The following MOB3B variants were observed in gnomAD, a reference collection of about 807,000 sequenced individuals.
MOB3B encodes MOB kinase activator 3B, also known as MOB kinase activator-like 2B.
MOB3B carries 7 observed loss-of-function variants against 18.7 expected under a neutral mutation model. That is an observed-to-expected ratio of 0.37 (90% confidence interval 0.21 to 0.70). MOB3B has a LOEUF of 0.70. Ranked by LOEUF, MOB3B falls within the 30% of genes least tolerant of loss-of-function variation. MOB3B has a pLI of 0.52. For synonymous variants in MOB3B, 111 were observed against 99.9 expected (o/e 1.11, Z -0.66); for missense variants, 253 against 281.3 (o/e 0.90, Z 0.72).
rs146239060 is a variant in MOB3B at position 27,409,401 on chromosome 9, G to C, written c.418+45732C>G. Among the ~76,000 whole-genome samples the C allele has an allele frequency of 2.0e-3, 306 of 152,252 alleles. 1 individual carries two copies. Among genetic ancestry groups the C allele is most frequent in the African/African-American group, 7.1e-3 (297 of 41,544 alleles). On this transcript the variant is annotated intron_variant, in intron 2 of 3. Coordinates refer to ENST00000262244, the MANE Select transcript of MOB3B (RefSeq NM_024761.5). The stretch of plus-strand genomic sequence containing the variant: ...GATGAGATACCATTTCATACCATTA[G>C]AATGGTTACTATCAAGAAGATAAAA...
At chr9:27,485,035 A>G (rs1270735203) in intron 1 of MOB3B, among the ~76,000 whole-genome samples, 1 of 152,202 alleles carries the variant, frequency 6.6e-6, no homozygotes, top group Non-Finnish European at 1.5e-5. Flanking sequence ...CCACGGATCC[A>G]AGTTCGAGAC....
intron 3 of MOB3B, chr9:27,358,732 A>T: frequency 1.8e-6 from 1 of 545,734 alleles, no homozygotes. Context: ...CATTTAAGGA[A>T]TTCAATAAGT....
intron 3 of MOB3B, among the ~76,000 whole-genome samples, chr9:27,345,314 G>A (rs1821016428): frequency 6.6e-6 from 1 of 152,078 alleles, no homozygotes; most frequent in Non-Finnish European, 1.5e-5. Context: ...GGCCCTGTAT[G>A]AACCATGACT....
chr9:27,353,699 C>T (rs1216103389), intron 3 of MOB3B, among the ~76,000 whole-genome samples: 1 of 152,172 alleles, frequency 6.6e-6, no homozygotes, highest in African/African-American at 2.4e-5. Flanking sequence ...AATCTCTGTC[C>T]TCCCCCTGCC....
At chr9:27,346,476 T>A (rs1012594882) in intron 3 of MOB3B, among the ~76,000 whole-genome samples, 1 of 152,222 alleles carries the variant, frequency 6.6e-6, no homozygotes, top group Admixed American at 6.5e-5. Flanking sequence ...ATTTATCTCA[T>A]AGACTTGTGT....
At chr9:27,454,968 GT>G (rs565826884) in intron 2 of MOB3B, among the ~76,000 whole-genome samples, 164 bp downstream of exon 2, 8 of 149,678 alleles carry the variant, frequency 5.3e-5, no homozygotes, top group South Asian at 4.2e-4. Context: ...GGTCCATAAA[GT>G]TTTTTTTTTC....
At chr9:27,482,220 G>C (rs1191352320) in intron 1 of MOB3B, among the ~76,000 whole-genome samples, 1 of 152,114 alleles carries the variant, frequency 6.6e-6, no homozygotes, top group Non-Finnish European at 1.5e-5. Flanking sequence ...TGGCTGAAGA[G>C]ACCTAACATT....
At chr9:27,505,641 A>G (rs2492818) in intron 1 of MOB3B, among the ~76,000 whole-genome samples, 37,161 of 152,210 alleles carry the variant, frequency 0.24, 4,713 homozygotes, top group East Asian at 0.34. Context: ...TTCTGCATGA[A>G]GTCCACAGAC....
intron 2 of MOB3B, among the ~76,000 whole-genome samples, chr9:27,413,322 T>A (rs1206316375): frequency 6.6e-6 from 1 of 152,008 alleles, no homozygotes; most frequent in Non-Finnish European, 1.5e-5. Flanking sequence ...GTTACTGAAA[T>A]GGGACTTTTT....
intron 2 of MOB3B, among the ~76,000 whole-genome samples, chr9:27,384,919 C>A (rs566535075): frequency 6.6e-6 from 1 of 152,288 alleles, no homozygotes; most frequent in South Asian, 2.1e-4. Context: ...GCCTCCAGTC[C>A]CTCTGCCAGG....
At position 27,418,626 on chromosome 9, in the gene MOB3B, T is replaced by C. The variant is rs905923725; in HGVS notation, c.418+36507A>G. 2.0e-5 allele frequency among the ~76,000 whole-genome samples: 3 copies of C among 152,106 alleles called. No homozygotes were observed. The East Asian group carries it at 5.8e-4, about 29-fold the overall frequency. Reference sequence around the variant, plus strand: ...GATGCAGAAAAAGCATTTGACAAAATCCAGCATCTCTTTATGATTAAAACT... The same window carrying C: ...GATGCAGAAAAAGCATTTGACAAAACCCAGCATCTCTTTATGATTAAAACT... On this transcript the variant is annotated intron_variant, in intron 2 of 3. Transcript: ENST00000262244.
At chr9:27,341,816 A>G (rs1022148885) in intron 3 of MOB3B, among the ~76,000 whole-genome samples, 1 of 152,180 alleles carries the variant, frequency 6.6e-6, no homozygotes, top group African/African-American at 2.4e-5. Flanking sequence ...CAGAGCGAGA[A>G]TTCAAACCAG....
intron 2 of MOB3B, among the ~76,000 whole-genome samples, chr9:27,379,547 C>T (rs1427692184): frequency 6.6e-6 from 1 of 152,122 alleles, no homozygotes; most frequent in African/African-American, 2.4e-5. Flanking sequence ...GTTTCCTGCC[C>T]AAGGTCACAC....
intron 1 of MOB3B, among the ~76,000 whole-genome samples, chr9:27,500,058 G>T (rs902127240): frequency 6.6e-6 from 1 of 152,124 alleles, no homozygotes; most frequent in African/African-American, 2.4e-5. Flanking sequence ...GCTGTGGAAG[G>T]TTTGACTAGA....
intron 2 of MOB3B, among the ~76,000 whole-genome samples, chr9:27,372,080 A>G (rs961831633): frequency 1.3e-5 from 2 of 152,198 alleles, no homozygotes; most frequent in Non-Finnish European, 2.9e-5. Context: ...GGTTTCCAAC[A>G]TCATTTTTTA....
intron 2 of MOB3B, among the ~76,000 whole-genome samples, chr9:27,380,429 G>C (rs1821560212): frequency 1.3e-5 from 2 of 151,970 alleles, no homozygotes; most frequent in Admixed American, 1.3e-4. Flanking sequence ...AGTAGAGACA[G>C]GTTTTCACCA....
intron 2 of MOB3B, chr9:27,397,430 A>G (rs1821817518): frequency 6.6e-6 from 1 of 152,246 alleles, no homozygotes; most frequent in Admixed American, 6.5e-5. Context: ...ATGCAAATCA[A>G]TAGGCTCTCC....
chr9:27,529,038 G>A (rs1820487201), intron 1 of MOB3B, among the ~76,000 whole-genome samples: 1 of 152,152 alleles, frequency 6.6e-6, no homozygotes, highest in Non-Finnish European at 1.5e-5. Flanking sequence ...AGCCCCGGGG[G>A]CGACCTGGCT....
intron 2 of MOB3B, among the ~76,000 whole-genome samples, chr9:27,365,626 T>C (rs995649782): frequency 6.6e-6 from 1 of 152,202 alleles, no homozygotes; most frequent in African/African-American, 2.4e-5. Context: ...CAATCAATAA[T>C]TGAGACTCAG....
Sources: allele counts gnomAD v4.1 joint callset (sites outside exome capture counted in the v4.1 genomes callset), GRCh38; gene constraint gnomAD v4.1.1; transcripts MANE v1.5; gene names NCBI Gene and HGNC (gene_info 2026-07-23, HGNC 2026-07-21).